NPPC: variants seen among roughly 807,000 people sequenced by gnomAD.
The protein encoded by NPPC is C-type natriuretic peptide.
Under a neutral mutation model 10.2 loss-of-function variants are expected in NPPC, and 4 were observed. That is an observed-to-expected ratio of 0.39 (90% confidence interval 0.19 to 0.90). NPPC has a LOEUF of 0.90. NPPC is among the 40% of genes least tolerant of loss of function. The probability of loss-of-function intolerance (pLI) is 0.37; values close to 1 mark genes in which losing one functional copy is unlikely to be tolerated. For synonymous variants in NPPC, 83 were observed against 87.3 expected (o/e 0.95, Z 0.27); for missense variants, 182 against 173.8 (o/e 1.05, Z -0.26).
In NPPC at chr2:231,926,147, C is replaced by G; in HGVS notation, c.90+13G>C. 2.3e-6 allele frequency: 3 copies of G among 1,287,940 alleles called. No individual in the cohort carries two copies. Among genetic ancestry groups the G allele is most frequent in the Non-Finnish European group, 2.0e-6 (2 of 1,018,116 alleles). 79.8% of individuals were successfully genotyped at this position (1,287,940 alleles called of 1,614,324 possible). A position where few individuals can be genotyped will look rare whatever the true frequency, so the allele number is the denominator to read the frequency against. ...GCCTCTCCCAGGCTCGGCGTCCCCACGACAGCACCCACCTTCGGCGGCGCC... is the reference window on the plus strand; with the variant it reads ...GCCTCTCCCAGGCTCGGCGTCCCCAGGACAGCACCCACCTTCGGCGGCGCC... On this transcript the variant is annotated intron_variant, in intron 1 of 2. Coordinates refer to ENST00000409852, the MANE Select transcript of NPPC (RefSeq NM_024409.4).
chr2:231,925,843 C>T, intron 1 of NPPC, 128 bp from the exon 2 acceptor site: 2 of 1,169,722 alleles, frequency 1.7e-6, no homozygotes, highest in Non-Finnish European at 2.3e-6. Context: ...CCCACCGATG[C>T]CGGCCAGCTT....
chr2:231,925,679 G>T lies in NPPC; in HGVS notation c.127C>A (p.Pro43Thr). Reference sequence around the variant, plus strand: ...TTCTGACCGCCGCCCGCAGCCTGCGGCTCGGCCAGCTCCTCTGCCGGCGGG... The same window carrying T: ...TTCTGACCGCCGCCCGCAGCCTGCGTCTCGGCCAGCTCCTCTGCCGGCGGG... ...RTPPAEELAE[P>T]QAAGGGQKKG... Residue 43 changes from proline to threonine, a missense_variant, in exon 2 of 3, where the codon CCG becomes ACG. Physicochemically the swap from Pro to Thr is conservative, Grantham distance 38 (BLOSUM62 -1). Transcript: ENST00000409852. The T allele has an allele frequency of 1.3e-6, 2 of 1,592,460 alleles. No individual in the cohort carries two copies. Among genetic ancestry groups the T allele is most frequent in the African/African-American group, 2.7e-5 (2 of 74,534 alleles).
chr2:231,925,294 A>G, intron 2 of NPPC, 111 bp downstream of exon 2: 1 of 901,366 alleles, frequency 1.1e-6, no homozygotes, highest in Non-Finnish European at 1.5e-6. Context: ...GGCGGCTGGC[A>G]AACGCCTAGC....
rs1691938284 is a variant in NPPC at position 231,922,202 on chromosome 2, A to G, written c.*134T>C. ...GTGTTGTGTATTCCCAGTACCAGGA[A>G]AAAAAAAGAAAGAAAGAAAGAAATG... On this transcript the variant is annotated 3_prime_UTR_variant, in exon 3 of 3. Transcript: ENST00000409852. 1 of 151,938 alleles carries G rather than the reference A, an allele frequency of 6.6e-6. No homozygotes were observed. Among genetic ancestry groups the G allele is most frequent in the Non-Finnish European group, 1.5e-5 (1 of 67,972 alleles). The allele number at this position is 151,938 out of a possible 1,614,324, so 9.4% of individuals were successfully genotyped here.
intron 2 of NPPC, among the ~76,000 whole-genome samples, chr2:231,924,791 C>T (rs527807066): frequency 9.9e-5 from 15 of 152,264 alleles, no homozygotes; most frequent in Non-Finnish European, 2.1e-4. Context: ...ATAATATTTA[C>T]TTTAGTGTCT....
intron 2 of NPPC, among the ~76,000 whole-genome samples, chr2:231,922,909 A>T (rs1176314826): frequency 6.6e-6 from 1 of 152,216 alleles, no homozygotes; most frequent in Non-Finnish European, 1.5e-5. Flanking sequence ...CACAGCTGCC[A>T]CCCAGTAAAC....
Position 231,925,635 on chromosome 2 carries a change from G to T in NPPC, c.171C>A (p.Pro57=), listed in dbSNP as rs1691995068. ...GGGQKKGDKA[P]GGGGANLKGD... ...CCTTGAGATTGGCGCCCCCGCCCCCGGGAGCCTTGTCGCCCTTCTTCTGAC... is the reference window on the plus strand; with the variant it reads ...CCTTGAGATTGGCGCCCCCGCCCCCTGGAGCCTTGTCGCCCTTCTTCTGAC... Residue 57 remains proline, a synonymous_variant, in exon 2 of 3, where the codon CCC becomes CCA. Transcript: ENST00000409852. 1 of 1,607,292 alleles carries T rather than the reference G, an allele frequency of 6.2e-7. No homozygotes were observed. The highest frequency in any genetic ancestry group is 1.3e-5 in the African/African-American group (1 of 74,842).
Position 231,925,698 on chromosome 2 carries a change from C to G in NPPC, c.108G>C (p.Pro36=). 1 of 1,575,930 alleles carries G rather than the reference C, an allele frequency of 6.3e-7. No individual in the cohort carries two copies. The highest frequency in any genetic ancestry group is 8.6e-7 in the Non-Finnish European group (1 of 1,164,934). The change falls in exon 2 of 3, where the codon CCG becomes CCC. Residue 36 remains proline, a synonymous_variant. Transcript: ENST00000409852. ...GAPPKVPRTP[P]AEELAEPQAA... is the part of the protein sequence containing the mutation. ...CCTGCGGCTCGGCCAGCTCCTCTGC[C>G]GGCGGGGTTCGCGGGACCTGTCCGA... is the stretch of plus-strand genomic sequence containing the variant.
chr2:231,925,499 T>C lies in NPPC; in HGVS notation c.307A>G (p.Lys103Glu). ...AAGCAGCCCTTGGACAAGCCCTTCT[T>C]GTTGGCTCCTTTGTATTTGCGCGCG... ...PNARKYKGAN[K>E]KGLSKGCFGL... Residue 103 changes from lysine to glutamate, a missense_variant, in exon 2 of 3, where the codon AAG becomes GAG. Coordinates refer to ENST00000409852, the MANE Select transcript of NPPC (RefSeq NM_024409.4). 6.2e-7 allele frequency: 1 copy of C among 1,613,108 alleles called. No homozygotes were observed. Among genetic ancestry groups the C allele is most frequent in the Middle Eastern group, 1.7e-4 (1 of 6,060 alleles).
Position 231,926,187 on chromosome 2 carries a change from G to A in NPPC, c.63C>T (p.Ser21=). ...TCGGCGGCGCCCCGGGCTTGGCTTC[G>A]GAGGGCCGGAGGGAGAGCAGCGTGA... The part of the protein sequence containing the change: ...LLLTLLSLRP[S]EAKPGAPPKV... Residue 21 remains serine, a synonymous_variant, in exon 1 of 3, where the codon TCC becomes TCT. Transcript: ENST00000409852. 1.5e-6 allele frequency: 2 copies of A among 1,314,842 alleles called. No homozygotes were observed. The highest frequency in any genetic ancestry group is 1.9e-6 in the Non-Finnish European group (2 of 1,030,076). The allele number at this position is 1,314,842 out of a possible 1,614,324, so 81.4% of individuals were successfully genotyped here. A position where few individuals can be genotyped will look rare whatever the true frequency, so the allele number is the denominator to read the frequency against.
chr2:231,922,055 C>T lies in NPPC; in HGVS notation c.*281G>A, dbSNP rs1433794695. On this transcript the variant is annotated 3_prime_UTR_variant, in exon 3 of 3. Transcript: ENST00000409852. ...TAAAAACTGTCCCTTGTCATCAAGT[C>T]GGTGTAGGTGTGTGTGTTTCATGTA... The T allele has an allele frequency of 6.6e-6, 1 of 151,012 alleles. No homozygotes were observed. Among genetic ancestry groups the T allele is most frequent in the Non-Finnish European group, 1.5e-5 (1 of 67,838 alleles). The allele number at this position is 151,012 out of a possible 1,614,324, so 9.4% of individuals were successfully genotyped here.
In NPPC at chr2:231,926,147, C is replaced by T. The variant is rs1692004430; in HGVS notation, c.90+13G>A. 1.6e-6 allele frequency: 2 copies of T among 1,287,940 alleles called. No homozygotes were observed. The highest frequency in any genetic ancestry group is 2.0e-6 in the Non-Finnish European group (2 of 1,018,116). 79.8% of individuals were successfully genotyped at this position (1,287,940 alleles called of 1,614,324 possible). ...GCCTCTCCCAGGCTCGGCGTCCCCA[C>T]GACAGCACCCACCTTCGGCGGCGCC... is the stretch of plus-strand genomic sequence containing the variant. On this transcript the variant is annotated intron_variant, in intron 1 of 2. Transcript: ENST00000409852.
intron 2 of NPPC, among the ~76,000 whole-genome samples, chr2:231,923,926 T>C (rs1350962327): frequency 6.6e-6 from 1 of 152,256 alleles, no homozygotes; most frequent in Non-Finnish European, 1.5e-5. Flanking sequence ...AGACTCCGTC[T>C]CTTTGTTGTT....
intron 2 of NPPC, among the ~76,000 whole-genome samples, chr2:231,923,633 G>A (rs908425536): frequency 6.6e-5 from 10 of 152,168 alleles, no homozygotes; most frequent in African/African-American, 2.2e-4. Flanking sequence ...GGTGTTGAAG[G>A]TGTCGACGGT....
rs1033348802 is a variant in NPPC at position 231,921,886 on chromosome 2, TG to T, written c.*449del. 5.3e-5 allele frequency: 8 copies of T among 152,114 alleles called. No homozygotes were observed. Among genetic ancestry groups the T allele is most frequent in the Admixed American group, 2.0e-4 (3 of 15,294 alleles). The allele number at this position is 152,114 out of a possible 1,614,324, so 9.4% of individuals were successfully genotyped here. A position where few individuals can be genotyped will look rare whatever the true frequency, so the allele number is the denominator to read the frequency against. On this transcript the variant is annotated 3_prime_UTR_variant, in exon 3 of 3. Transcript: ENST00000409852. ...GTTAGGACAAAAACATTACAATGAT[TG>T]ACTTCTTTCATTTAGTTACATAAAT... is the stretch of plus-strand genomic sequence containing the variant.
rs145950298 is a variant in NPPC at position 231,924,370 on chromosome 2, C to T, written c.*20+1035G>A. Among the ~76,000 whole-genome samples, 537 of 152,288 alleles carry T rather than the reference C, an allele frequency of 3.5e-3. 5 individuals are homozygous for T. The highest frequency in any genetic ancestry group is 0.012 in the African/African-American group (501 of 41,560). On this transcript the variant is annotated intron_variant, in intron 2 of 2. Transcript: ENST00000409852. ...TCTTGTTTCCCTCCGGGAGAAGATC[C>T]GACACTGACAAGGGTTTCTGGGGAG... is the stretch of plus-strand genomic sequence containing the variant.
In NPPC at chr2:231,924,292, CTG is replaced by C. The variant is rs749351188; in HGVS notation, c.*20+1111_*20+1112del. Among the ~76,000 whole-genome samples, 19 of 152,348 alleles carry C rather than the reference CTG, an allele frequency of 1.2e-4. No individual in the cohort carries two copies. In the East Asian group the frequency reaches 2.1e-3, roughly 17 times the overall value. On this transcript the variant is annotated intron_variant, in intron 2 of 2. Coordinates refer to ENST00000409852, the MANE Select transcript of NPPC (RefSeq NM_024409.4). ...ATGGAGAGGTGAATGGGTTCACAAA[CTG>C]TGAAAAAGTGTTCTGTACTGTAAAA...
At chr2:231,925,384 C>A (rs748061179) in intron 2 of NPPC, 21 bp downstream of exon 2, 5 of 1,525,048 alleles carry the variant, frequency 3.3e-6, no homozygotes. Flanking sequence ...TGGGGCTGGG[C>A]GTCGGGTGGG....
chr2:231,922,555 A>G (rs913957052), intron 2 of NPPC, among the ~76,000 whole-genome samples: 1 of 151,506 alleles, frequency 6.6e-6, no homozygotes, highest in African/African-American at 2.4e-5. Context: ...TGTCTGCAAC[A>G]CTCCTTCTTC....
Sources: gnomAD v4.1 joint callset for allele counts (sites outside exome capture counted in the v4.1 genomes callset) on GRCh38, gnomAD v4.1.1 for gene constraint, MANE v1.5 for transcripts, NCBI Gene and HGNC (gene_info 2026-07-23, HGNC 2026-07-21) for gene names.